The following SAMD5 variants were observed in gnomAD, a reference collection of about 807,000 sequenced individuals.
SAMD5 encodes sterile alpha motif domain-containing protein 5.
A neutral mutation model predicts 11.3 loss-of-function variants in SAMD5; 13 were observed. That is an observed-to-expected ratio of 1.15 (90% CI 0.75 to 1.83). The LOEUF (loss-of-function observed/expected upper bound fraction) is 1.83. Among genes scored for constraint, SAMD5 ranks in the 40% most tolerant of loss-of-function variants. SAMD5 has a pLI of 0.00. For missense variants in SAMD5, 255 were observed against 239.1 expected, an observed-to-expected ratio of 1.07 and a Z score of -0.44; for synonymous variants, 129 against 111.3, an observed-to-expected ratio of 1.16 and a Z score of -1.00.
chr6:147,948,175 A>T, the SAMD5 span, among the ~76,000 whole-genome samples: 1 of 151,984 alleles, frequency 6.6e-6, no homozygotes, highest in African/African-American at 2.4e-5. Flanking sequence ...TAAATTAGTG[A>T]CTGAGAGTTG....
chr6:147,552,871 A>G (rs1788796667), intron 1 of SAMD5, among the ~76,000 whole-genome samples: 1 of 152,228 alleles, frequency 6.6e-6, no homozygotes, highest in Non-Finnish European at 1.5e-5. Context: ...ATGACTAAAC[A>G]GTGCTTAAAG....
chr6:147,890,996 C>T, the SAMD5 span, among the ~76,000 whole-genome samples: 54 of 152,038 alleles, frequency 3.6e-4, no homozygotes, highest in African/African-American at 1.3e-3. Context: ...GTGGTAGCCC[C>T]GTATGATTGC....
chr6:147,652,380 G>A (rs1036480014), intron 1 of SAMD5, among the ~76,000 whole-genome samples: 3 of 152,090 alleles, frequency 2.0e-5, no homozygotes, highest in Admixed American at 6.6e-5. Flanking sequence ...TCTCAACCTA[G>A]CAAAAACATA....
At chr6:147,535,240 C>T (rs55824064) in intron 1 of SAMD5, among the ~76,000 whole-genome samples, 2 of 152,202 alleles carry the variant, frequency 1.3e-5, no homozygotes, top group East Asian at 3.9e-4. Context: ...ATTGTGTGAG[C>T]GTGCTCATGC....
At chr6:147,804,516 T>C in the SAMD5 span, among the ~76,000 whole-genome samples, 13 of 152,322 alleles carry the variant, frequency 8.5e-5, no homozygotes, top group South Asian at 2.7e-3. Flanking sequence ...AGAAGGCTCA[T>C]AACAACTGCT....
At chr6:147,713,507 C>T (rs763990039) in intron 1 of SAMD5, among the ~76,000 whole-genome samples, 2 of 152,108 alleles carry the variant, frequency 1.3e-5, no homozygotes, top group Non-Finnish European at 2.9e-5. Context: ...TGCAAGCAAG[C>T]GGCAGCAGAG....
At chr6:147,770,402 T>C in the SAMD5 span, among the ~76,000 whole-genome samples, 2 of 152,330 alleles carry the variant, frequency 1.3e-5, no homozygotes, top group African/African-American at 4.8e-5. Context: ...CCACATGAAC[T>C]TATGACTATC....
chr6:147,634,610 T>C (rs1304201447), intron 1 of SAMD5, among the ~76,000 whole-genome samples: 1 of 152,234 alleles, frequency 6.6e-6, no homozygotes, highest in Non-Finnish European at 1.5e-5. Flanking sequence ...CACATTTTAG[T>C]TCTTTCGTTT....
chr6:147,543,539 A>G (rs1788639089), intron 1 of SAMD5, among the ~76,000 whole-genome samples: 1 of 152,238 alleles, frequency 6.6e-6, no homozygotes, highest in Admixed American at 6.5e-5. Flanking sequence ...ACCATAATTT[A>G]TAATATTTAG....
intron 1 of SAMD5, among the ~76,000 whole-genome samples, chr6:147,628,683 T>C (rs186539160): frequency 6.6e-6 from 1 of 152,144 alleles, no homozygotes; most frequent in East Asian, 1.9e-4. Context: ...TATGAGGAAA[T>C]ATGATACCCA....
At chr6:147,713,644 G>A (rs1029417089) in intron 1 of SAMD5, among the ~76,000 whole-genome samples, 13 of 152,278 alleles carry the variant, frequency 8.5e-5, no homozygotes, top group Middle Eastern at 3.4e-3. Context: ...AGTGTTTGGG[G>A]GAAACTAGGG....
chr6:147,676,908 G>T (rs1790871777), intron 1 of SAMD5, among the ~76,000 whole-genome samples: 1 of 151,932 alleles, frequency 6.6e-6, no homozygotes, highest in South Asian at 2.1e-4. Flanking sequence ...GAGGGGGAGT[G>T]AGAGTAAGAA....
At chr6:147,781,780 A>ATG in the SAMD5 span, among the ~76,000 whole-genome samples, 255 of 99,692 alleles carry the variant, frequency 2.6e-3, no homozygotes, top group Non-Finnish European at 3.8e-3. Context: ...GCGCACACAC[A>ATG]CACACACACA....
chr6:147,656,392 A>G (rs1790568774), intron 1 of SAMD5, among the ~76,000 whole-genome samples: 1 of 152,176 alleles, frequency 6.6e-6, no homozygotes, highest in Admixed American at 6.5e-5. Context: ...AAACAAATAC[A>G]CAAACTATCT....
chr6:147,562,354 C>A (rs1031223527), intron 1 of SAMD5, among the ~76,000 whole-genome samples: 2 of 152,198 alleles, frequency 1.3e-5, no homozygotes, highest in African/African-American at 4.8e-5. Flanking sequence ...CCCTCTGTGG[C>A]CTTTTCTTCT....
At chr6:147,835,879 G>C in the SAMD5 span, among the ~76,000 whole-genome samples, 7 of 152,120 alleles carry the variant, frequency 4.6e-5, no homozygotes, top group African/African-American at 1.7e-4. Context: ...CGTGACTGAG[G>C]CCTTTCGTCC....
At position 147,569,686 on chromosome 6, in the gene SAMD5, T is replaced by C. The variant is rs536542906; in HGVS notation, c.*5230T>C. On this transcript the variant is annotated 3_prime_UTR_variant, in exon 2 of 2. Transcript: ENST00000367474. ...CCTGTTCCCCAAGCTTGTCAATGTT[T>C]AGAGATACTATTCGGGTTGCTAAAG... The C allele has an allele frequency of 2.7e-5, 27 of 985,320 alleles. No homozygotes were observed. The highest frequency in any genetic ancestry group is 3.1e-5 in the Non-Finnish European group (26 of 829,832). The allele number at this position is 985,320 out of a possible 1,614,324, so 61.0% of individuals were successfully genotyped here.
the SAMD5 span, among the ~76,000 whole-genome samples, chr6:147,826,888 C>T: frequency 6.6e-6 from 1 of 152,130 alleles, no homozygotes; most frequent in Admixed American, 6.5e-5. Context: ...CGGCAGGTCT[C>T]AAAACATGCA....
At chr6:147,560,766 T>G (rs981964332) in intron 1 of SAMD5, among the ~76,000 whole-genome samples, 7 of 152,192 alleles carry the variant, frequency 4.6e-5, no homozygotes, top group African/African-American at 1.7e-4. Flanking sequence ...TTGAATAACT[T>G]TTACTGCCTC....
Sources: allele counts gnomAD v4.1 joint callset (sites outside exome capture counted in the v4.1 genomes callset), GRCh38; gene constraint gnomAD v4.1.1; transcripts MANE v1.5; gene names NCBI Gene and HGNC (gene_info 2026-07-23, HGNC 2026-07-21).